Variants in RNF135 observed in about 807,000 individuals in gnomAD.
The protein encoded by RNF135 is E3 ubiquitin-protein ligase RNF135.
In RNF135, 46 loss-of-function variants were observed where a neutral mutation model predicts 41.9. That is an observed-to-expected ratio of 1.10 (90% CI 0.87 to 1.40). The LOEUF is 1.40. Among genes scored for constraint, RNF135 ranks in the 40% most tolerant of loss-of-function variants. The probability of loss-of-function intolerance (pLI) is 0.00; values close to 1 mark genes in which losing one functional copy is unlikely to be tolerated. For synonymous variants in RNF135, 238 were observed against 223.8 expected, an observed-to-expected ratio of 1.06 and a Z score of -0.57; for missense variants, 539 against 549.8, an observed-to-expected ratio of 0.98 and a Z score of 0.20.
At chr17:30,992,223 T>G (rs2142726211) in intron 3 of RNF135, among the ~76,000 whole-genome samples, 1 of 152,234 alleles carries the variant, frequency 6.6e-6, no homozygotes, top group East Asian at 1.9e-4. Context: ...AGTAAGCCAC[T>G]GCGCTCGGCC....
intron 3 of RNF135, among the ~76,000 whole-genome samples, chr17:30,996,929 G>A (rs762369192): frequency 6.6e-5 from 10 of 152,176 alleles, no homozygotes; most frequent in Non-Finnish European, 1.5e-4. Flanking sequence ...TATTTCATGA[G>A]TGTGCATAAA....
chr17:30,998,572 A>G, intron 4 of RNF135, 90 bp from the exon 5 acceptor site: 1 of 1,273,986 alleles, frequency 7.8e-7, no homozygotes. Context: ...TCACACCAAA[A>G]GATACAAAGT....
At chr17:30,997,102 G>T in intron 3 of RNF135, 140 bp from the exon 4 acceptor site, 3 of 698,878 alleles carry the variant, frequency 4.3e-6, no homozygotes, top group Non-Finnish European at 2.6e-6. Flanking sequence ...CACTGCCTCT[G>T]CCTGATCCAG....
At chr17:30,979,656 G>A (rs747879260) in intron 1 of RNF135, among the ~76,000 whole-genome samples, 57 of 118,600 alleles carry the variant, frequency 4.8e-4, no homozygotes, top group Non-Finnish European at 8.4e-4. Flanking sequence ...TGGCCAGGCG[G>A]GGGGCTGATC....
At position 30,971,567 on chromosome 17, in the gene RNF135, A is replaced by G. The variant is rs1905952888; in HGVS notation, c.372+122A>G. On this transcript the variant is annotated intron_variant, in intron 1 of 4. Transcript: ENST00000328381. ...ACTTTTACGTTCCTTTTCTCAGTCTAAAAGTCGAGTTCCGCTCTTCGGAGG... is the reference window on the plus strand; with the variant it reads ...ACTTTTACGTTCCTTTTCTCAGTCTGAAAGTCGAGTTCCGCTCTTCGGAGG... 5.9e-6 allele frequency: 8 copies of G among 1,366,942 alleles called. No individual in the cohort carries two copies. The South Asian group carries it at 8.6e-5, about 15-fold the overall frequency. 84.7% of individuals were successfully genotyped at this position (1,366,942 alleles called of 1,614,324 possible).
chr17:30,991,379 C>T lies in RNF135; in HGVS notation c.679+3273C>T, dbSNP rs372925747. Among the ~76,000 whole-genome samples the T allele has an allele frequency of 5.4e-4, 82 of 151,126 alleles. 2 individuals are homozygous for T. The highest frequency in any genetic ancestry group is 1.8e-3 in the African/African-American group (75 of 41,180). On this transcript the variant is annotated intron_variant, in intron 3 of 4. Coordinates refer to ENST00000328381, the MANE Select transcript of RNF135 (RefSeq NM_032322.4). The stretch of plus-strand genomic sequence containing the variant: ...ACTCTGACTCAAGAAAATACATTGA[C>T]GTGAGAGTATACTGCGCGTTTTTTT...
the RNF135 span, among the ~76,000 whole-genome samples, chr17:30,962,916 C>A: frequency 6.6e-6 from 1 of 152,124 alleles, no homozygotes; most frequent in Admixed American, 6.6e-5. Context: ...GTTACTCTAT[C>A]ACCAACAGTT....
chr17:30,963,541 T>G, the RNF135 span, among the ~76,000 whole-genome samples: 1 of 151,632 alleles, frequency 6.6e-6, no homozygotes, highest in Admixed American at 6.6e-5. Context: ...CACTGCACAC[T>G]CCAGCCTGGG....
the RNF135 span, chr17:30,959,642 G>C: frequency 6.6e-6 from 1 of 152,092 alleles, no homozygotes; most frequent in Non-Finnish European, 1.5e-5. Flanking sequence ...GGAGTTCTGG[G>C]CTTTAGTGCA....
chr17:30,984,744 T>C lies in RNF135; in HGVS notation c.500T>C (p.Leu167Pro). ...TCAGAATCTGGACCAGACAACGAAC[T>C]GAGCATCCTGGGCAAGGTAGGCTCC... ...PLSESGPDNE[L>P]SILGKAFSSG... is the part of the protein sequence containing the mutation. The change falls in exon 2 of 5, where the codon CTG (leucine) becomes CCG (proline). Residue 167 changes from leucine (L) to proline (P), a missense_variant. Physicochemically the swap from Leu to Pro is moderately conservative, Grantham distance 98. Transcript: ENST00000328381. 1 of 1,614,136 alleles carries C rather than the reference T, an allele frequency of 6.2e-7. No homozygotes were observed. The highest frequency in any genetic ancestry group is 8.5e-7 in the Non-Finnish European group (1 of 1,180,022).
chr17:30,966,413 TATTTTTTTA>T (rs200813811), upstream of RNF135, among the ~76,000 whole-genome samples: 18,796 of 145,528 alleles, frequency 0.13, 3,639 homozygotes, highest in African/African-American at 0.45. Context: ...TATTTTATTT[TATTTTTTTA>T]TTTATTTTTA....
chr17:30,971,315 T>A lies in RNF135; in HGVS notation c.242T>A (p.Leu81Gln), dbSNP rs1366916494. ...HLRKNTLLQD[L>Q]ADKYRRAARE... ...CGGAAGAACACGCTACTGCAGGACC[T>A]GGCCGACAAGTACCGCCGCGCCGCA... Residue 81 changes from leucine (L) to glutamine (Q), a missense_variant, in exon 1 of 5, where the codon CTG (leucine) becomes CAG (glutamine). Physicochemically the swap from Leu to Gln is moderately radical, Grantham distance 113. This residue lies in a region of RNF135 where 277 missense variants were observed against 212.8 expected (regional missense o/e 1.30). Coordinates refer to ENST00000328381, the MANE Select transcript of RNF135 (RefSeq NM_032322.4). 6.5e-7 allele frequency: 1 copy of A among 1,534,122 alleles called. No individual in the cohort carries two copies. The highest frequency in any genetic ancestry group is 8.7e-7 in the Non-Finnish European group (1 of 1,143,634).
At chr17:30,975,683 G>A (rs868019658) in intron 1 of RNF135, 11 of 1,415,302 alleles carry the variant, frequency 7.8e-6, no homozygotes, top group Middle Eastern at 1.8e-4. Context: ...CACCAGTGTC[G>A]GCCTGAGAAA....
At chr17:30,982,820 A>G (rs1312558156) in intron 1 of RNF135, among the ~76,000 whole-genome samples, 1 of 152,160 alleles carries the variant, frequency 6.6e-6, no homozygotes, top group Non-Finnish European at 1.5e-5. Context: ...CATTTCCATA[A>G]CTTTAAAAAA....
chr17:30,990,559 C>T (rs763495788), intron 3 of RNF135, among the ~76,000 whole-genome samples: 26 of 152,132 alleles, frequency 1.7e-4, no homozygotes, highest in Admixed American at 7.2e-4. Context: ...GGGCATACTG[C>T]CCAGTCTCTC....
chr17:30,971,627 G>GA, intron 1 of RNF135, 182 bp downstream of exon 1: 17 of 1,352,704 alleles, frequency 1.3e-5, no homozygotes, highest in South Asian at 1.8e-5. Flanking sequence ...TGAAGAAGTA[G>GA]AAAAAAACAA....
chr17:30,995,140 C>A (rs1223036218), intron 3 of RNF135, among the ~76,000 whole-genome samples: 2 of 151,818 alleles, frequency 1.3e-5, no homozygotes, highest in Non-Finnish European at 2.9e-5. Flanking sequence ...GTAATCATAG[C>A]ACTTTGGGAG....
rs1040475414 is a variant in RNF135 at position 30,971,473 on chromosome 17, T to C, written c.372+28T>C. ...AGGGAGGCCGGGCCCGCAGCTCCCC[T>C]GGCTCCCCCGGGCTGCCCGCCGCCT... On this transcript the variant is annotated intron_variant, in intron 1 of 4. Transcript: ENST00000328381. 48 of 1,476,142 alleles carry C rather than the reference T, an allele frequency of 3.3e-5. No homozygotes were observed. The African/African-American group carries it at 4.0e-4, about 12-fold the overall frequency. 91.4% of individuals were successfully genotyped at this position (1,476,142 alleles called of 1,614,324 possible). A position where few individuals can be genotyped will look rare whatever the true frequency, so the allele number is the denominator to read the frequency against.
chr17:30,964,754 G>A, the RNF135 span, among the ~76,000 whole-genome samples: 2 of 150,150 alleles, frequency 1.3e-5, no homozygotes, highest in Admixed American at 6.7e-5. Context: ...GTGCAATCTC[G>A]GCTCACTGCA....
Sources: allele counts gnomAD v4.1 joint callset (sites outside exome capture counted in the v4.1 genomes callset), GRCh38; gene constraint gnomAD v4.1.1; regional missense constraint gnomAD v4.1.1; transcripts MANE v1.5; gene names NCBI Gene and HGNC (gene_info 2026-07-23, HGNC 2026-07-21).